Variants in FHAD1 observed in about 807,000 individuals in gnomAD.
The protein encoded by FHAD1 is forkhead associated phosphopeptide binding domain 1.
Under a neutral mutation model 191.3 loss-of-function variants are expected in FHAD1, and 146 were observed. The ratio of observed to expected loss-of-function variants is 0.76; its 90% CI spans 0.67 to 0.88. The LOEUF (loss-of-function observed/expected upper bound fraction) is 0.88, where lower values mean the gene tolerates loss of function less well. Among genes scored for constraint, FHAD1 ranks in the 40% least tolerant of loss-of-function variants. The probability of loss-of-function intolerance (pLI) is 0.00; values close to 1 mark genes in which losing one functional copy is unlikely to be tolerated. For missense variants in FHAD1, 1,635 were observed against 1,785.8 expected, an observed-to-expected ratio of 0.92 and a Z score of 1.52; for synonymous variants, 616 against 672.3, an observed-to-expected ratio of 0.92 and a Z score of 1.29.
At chr1:15,237,622 C>T (rs796455164) in intron 1 of FHAD1, among the ~76,000 whole-genome samples, 3 of 152,208 alleles carry the variant, frequency 2.0e-5, no homozygotes, top group Admixed American at 6.5e-5. Flanking sequence ...TGTTTCTTGA[C>T]AACGATTCAA....
In FHAD1 at chr1:15,326,914, CGGT is replaced by C. The variant is rs376534390; in HGVS notation, c.1474-143_1474-141del. The C allele has an allele frequency of 1.2e-3, 746 of 600,860 alleles. 6 individuals carry two copies. Among genetic ancestry groups the C allele is most frequent in the African/African-American group, 0.012 (621 of 53,768 alleles). 37.2% of individuals were successfully genotyped at this position (600,860 alleles called of 1,614,324 possible). A position where few individuals can be genotyped will look rare whatever the true frequency, so the allele number is the denominator to read the frequency against. Reference sequence around the variant, plus strand: ...TGTGGGTCCCGCCACTCCCCGTGAGCGGTGAAGATTCTGATAACGCGGAATGGT... The same window carrying C: ...TGTGGGTCCCGCCACTCCCCGTGAGCGAAGATTCTGATAACGCGGAATGGT... On this transcript the variant is annotated intron_variant, in intron 11 of 33. Transcript: ENST00000688493.
In FHAD1 at chr1:15,251,765, AT is replaced by A; in HGVS notation, c.-14-5del. Reference sequence around the variant, plus strand: ...TAACAAAATTCTTTCTGAAAACCTTATGTAGGGAAAACAGAGAGGATGAAGG... The same window carrying A: ...TAACAAAATTCTTTCTGAAAACCTTAGTAGGGAAAACAGAGAGGATGAAGG... On this transcript the variant is annotated splice_region_variant and splice_polypyrimidine_tract_variant and intron_variant, in intron 1 of 33. Transcript: ENST00000688493. The A allele has an allele frequency of 1.9e-6, 3 of 1,542,146 alleles. No individual in the cohort carries two copies. Among genetic ancestry groups the A allele is most frequent in the Non-Finnish European group, 2.6e-6 (3 of 1,143,628 alleles).
chr1:15,279,336 A>T (rs1484257434), intron 3 of FHAD1, among the ~76,000 whole-genome samples: 2 of 152,158 alleles, frequency 1.3e-5, no homozygotes, highest in South Asian at 2.1e-4. Context: ...GGAGAAGAAG[A>T]AGTAGCTGAA....
intron 3 of FHAD1, among the ~76,000 whole-genome samples, chr1:15,287,499 T>C (rs1662906414): frequency 6.6e-6 from 1 of 151,910 alleles, no homozygotes; most frequent in African/African-American, 2.4e-5. Context: ...AGCAAGGGGG[T>C]GGGGAAAGCC....
chr1:15,357,741 C>A, intron 20 of FHAD1: 1 of 164,128 alleles, frequency 6.1e-6, no homozygotes, highest in Non-Finnish European at 1.3e-5. Context: ...GCAGGTGTTG[C>A]AGTGAAGGAG....
At chr1:15,350,847 G>A (rs1349879534) in intron 19 of FHAD1, among the ~76,000 whole-genome samples, 1 of 152,124 alleles carries the variant, frequency 6.6e-6, no homozygotes, top group Non-Finnish European at 1.5e-5. Context: ...CCTTGGCAGT[G>A]GGACAATAAC....
chr1:15,356,907 G>T (rs1433760852), intron 20 of FHAD1, among the ~76,000 whole-genome samples: 2 of 151,852 alleles, frequency 1.3e-5, no homozygotes, highest in African/African-American at 4.8e-5. Flanking sequence ...TTCATGTTGC[G>T]TAGAATGTCT....
At chr1:15,341,601 G>A in intron 15 of FHAD1, 135 bp from the exon 16 acceptor site, 2 of 652,512 alleles carry the variant, frequency 3.1e-6, no homozygotes, top group East Asian at 2.8e-5. Flanking sequence ...GCATGCTGTA[G>A]TGTTCTGTGA....
intron 11 of FHAD1, chr1:15,324,845 T>C: frequency 2.1e-6 from 1 of 467,090 alleles, no homozygotes; most frequent in South Asian, 2.8e-5. Context: ...TTAACCGAGC[T>C]CCTTGCCCCC....
Position 15,329,743 on chromosome 1 carries a change from C to A in FHAD1, c.1906+202C>A. On this transcript the variant is annotated intron_variant, in intron 14 of 33. Transcript: ENST00000688493. The surrounding 1 kb of genome is among the most constrained non-coding windows in gnomAD (Gnocchi z 5.0). ...CACACATACAAGTGAGACACGATAA[C>A]TGAAGAAAAATGAAACAAAACAGAG... The A allele has an allele frequency of 3.9e-6, 2 of 507,060 alleles. No individual in the cohort carries two copies. The highest frequency in any genetic ancestry group is 3.5e-5 in the South Asian group (1 of 28,202). 31.4% of individuals were successfully genotyped at this position (507,060 alleles called of 1,614,324 possible). A position where few individuals can be genotyped will look rare whatever the true frequency, so the allele number is the denominator to read the frequency against.
Position 15,296,398 on chromosome 1 carries a change from C to T in FHAD1, c.569-286C>T, listed in dbSNP as rs1023496269. 4.0e-5 allele frequency among the ~76,000 whole-genome samples: 6 copies of T among 151,860 alleles called. No individual in the cohort carries two copies. In the East Asian group the frequency reaches 1.2e-3, roughly 29 times the overall value. On this transcript the variant is annotated intron_variant, in intron 4 of 33. Coordinates refer to ENST00000688493, the MANE Select transcript of FHAD1 (RefSeq NM_001391957.1). The stretch of plus-strand genomic sequence containing the variant: ...CCTCCCGAGTAGCTGGGACTATAGG[C>T]GCCCGCCACCACACCTGGCTAATTT...
intron 3 of FHAD1, among the ~76,000 whole-genome samples, chr1:15,280,995 A>G (rs1660410628): frequency 6.6e-6 from 1 of 152,214 alleles, no homozygotes; most frequent in Non-Finnish European, 1.5e-5. Context: ...ACGTGGAAAT[A>G]GTATGTAACT....
At chr1:15,309,440 G>A (rs2101070757) in intron 7 of FHAD1, among the ~76,000 whole-genome samples, 1 of 152,288 alleles carries the variant, frequency 6.6e-6, no homozygotes, top group African/African-American at 2.4e-5. Flanking sequence ...CAGACAATAA[G>A]AAGTAAAAAG....
Position 15,397,607 on chromosome 1 carries a change from A to T in FHAD1, c.*194A>T, listed in dbSNP as rs1706414172. 2.6e-6 allele frequency: 1 copy of T among 386,010 alleles called. No individual in the cohort carries two copies. The highest frequency in any genetic ancestry group is 9.4e-5 in the South Asian group (1 of 10,656). The allele number at this position is 386,010 out of a possible 1,614,324, so 23.9% of individuals were successfully genotyped here. A position where few individuals can be genotyped will look rare whatever the true frequency, so the allele number is the denominator to read the frequency against. On this transcript the variant is annotated 3_prime_UTR_variant, in exon 34 of 34. Coordinates refer to ENST00000688493, the MANE Select transcript of FHAD1 (RefSeq NM_001391957.1). ...TGGGGAGAAGGGTTCTTCTTTAAAAATACCTATGAATGTACACGAACTCAG... is the reference window on the plus strand; with the variant it reads ...TGGGGAGAAGGGTTCTTCTTTAAAATTACCTATGAATGTACACGAACTCAG...
chr1:15,378,658 T>C (rs1455140009), intron 28 of FHAD1, among the ~76,000 whole-genome samples: 1 of 152,268 alleles, frequency 6.6e-6, no homozygotes, highest in East Asian at 1.9e-4. Flanking sequence ...ATCTCATAGA[T>C]AGATAAATGT....
rs1231503453 is a variant in FHAD1 at position 15,311,512 on chromosome 1, G to T, written c.1040-1545G>T. Among the ~76,000 whole-genome samples, 1 of 152,168 alleles carries T rather than the reference G, an allele frequency of 6.6e-6. No homozygotes were observed. Among genetic ancestry groups the T allele is most frequent in the East Asian group, 1.9e-4 (1 of 5,190 alleles). On this transcript the variant is annotated intron_variant, in intron 7 of 33. Coordinates refer to ENST00000688493, the MANE Select transcript of FHAD1 (RefSeq NM_001391957.1). The surrounding 1 kb of genome is among the most constrained non-coding windows in gnomAD (Gnocchi z 4.1). ...ACTCTGGTCCCGCCTCACAAAGCAT[G>T]CAGGCAAGCCCCAGAGAGAGCAGTC... is the stretch of plus-strand genomic sequence containing the variant.
chr1:15,313,030 G>C, intron 7 of FHAD1, 27 bp from the exon 8 acceptor site: 1 of 1,550,934 alleles, frequency 6.4e-7, no homozygotes, highest in Non-Finnish European at 8.7e-7. Flanking sequence ...CTGCCTCTTT[G>C]ACCTCTGCGA....
At chr1:15,238,579 G>T (rs1221174479) in intron 1 of FHAD1, among the ~76,000 whole-genome samples, 3 of 152,192 alleles carry the variant, frequency 2.0e-5, no homozygotes, top group Admixed American at 1.3e-4. Flanking sequence ...GTGAGCAGGG[G>T]TGTCAGCTTA....
At chr1:15,363,886 G>T in intron 23 of FHAD1, 1 of 441,724 alleles carries the variant, frequency 2.3e-6, no homozygotes, top group East Asian at 7.0e-5. Flanking sequence ...CCCAAGAGGA[G>T]AACCACCTGC....
Sources: gnomAD v4.1 joint callset for allele counts (sites outside exome capture counted in the v4.1 genomes callset) on GRCh38, gnomAD v4.1.1 for gene constraint, Gnocchi (gnomAD v3.1) non-coding constraint, MANE v1.5 for transcripts, NCBI Gene and HGNC (gene_info 2026-07-23, HGNC 2026-07-21) for gene names.